Variants in PTK2B observed in about 807,000 individuals in gnomAD.
The protein encoded by PTK2B is protein-tyrosine kinase 2-beta.
A neutral mutation model predicts 142.9 loss-of-function variants in PTK2B; 71 were observed. The ratio of observed to expected loss-of-function variants is 0.50; its 90% CI spans 0.41 to 0.61. The LOEUF is 0.61. Among genes scored for constraint, PTK2B ranks in the 20% least tolerant of loss-of-function variants. The pLI is 0.00. For missense variants in PTK2B, 1,105 were observed against 1,320.4 expected (o/e 0.84, Z 2.53); for synonymous variants, 519 against 503.4 (o/e 1.03, Z -0.42).
At chr8:27,323,839 T>A (rs76500914), upstream of PTK2B, among the ~76,000 whole-genome samples, 138 of 152,288 alleles carry the variant, frequency 9.1e-4, 2 homozygotes, top group East Asian at 0.024. Flanking sequence ...TGCTGAAGAA[T>A]TCAACAACCT....
At chr8:27,360,110 C>T (rs1258903629) in intron 1 of PTK2B, among the ~76,000 whole-genome samples, 1 of 152,216 alleles carries the variant, frequency 6.6e-6, no homozygotes, top group East Asian at 1.9e-4. Context: ...GGGGGAAGGG[C>T]CCAGTCGACA....
At chr8:27,433,648 A>C (rs1191357493) in intron 11 of PTK2B, 96 bp downstream of exon 11, 5 of 1,051,484 alleles carry the variant, frequency 4.8e-6, no homozygotes, top group Non-Finnish European at 7.2e-6. Context: ...ACTGATGGAT[A>C]AGTGAATGAG....
At chr8:27,417,836 G>T (rs2131781402) in intron 2 of PTK2B, among the ~76,000 whole-genome samples, 1 of 152,314 alleles carries the variant, frequency 6.6e-6, no homozygotes, top group East Asian at 1.9e-4. Context: ...AGCAGGAGAG[G>T]ACTGTAAGTT....
chr8:27,434,342 G>T (rs1232401799), intron 12 of PTK2B, among the ~76,000 whole-genome samples, 171 bp from the exon 13 acceptor site: 1 of 152,156 alleles, frequency 6.6e-6, no homozygotes, highest in Non-Finnish European at 1.5e-5. Context: ...GGGGGTTGCT[G>T]CTGTCCCCCA....
intron 1 of PTK2B, among the ~76,000 whole-genome samples, chr8:27,342,585 C>G (rs1804470258): frequency 6.6e-6 from 1 of 152,162 alleles, no homozygotes; most frequent in Non-Finnish European, 1.5e-5. Context: ...GCAAGACTGC[C>G]TCTCCCAGGC....
At chr8:27,426,106 C>T (rs528074645) in intron 5 of PTK2B, among the ~76,000 whole-genome samples, 5 of 152,250 alleles carry the variant, frequency 3.3e-5, no homozygotes, top group African/African-American at 9.6e-5. Flanking sequence ...ACAGAGAATA[C>T]GTAACCCCAG....
chr8:27,352,192 A>G (rs1805136461), intron 1 of PTK2B, among the ~76,000 whole-genome samples: 2 of 152,134 alleles, frequency 1.3e-5, no homozygotes, highest in African/African-American at 2.4e-5. Context: ...GTTCTCACCA[A>G]TTCATAAGGC....
At chr8:27,406,655 T>TTGGGGC (rs1354813639) in intron 2 of PTK2B, among the ~76,000 whole-genome samples, 4 of 152,108 alleles carry the variant, frequency 2.6e-5, no homozygotes, top group Non-Finnish European at 5.9e-5. Flanking sequence ...CTCACGATGA[T>TTGGGGC]TGGGGCTGGG....
intron 1 of PTK2B, among the ~76,000 whole-genome samples, chr8:27,382,718 G>T (rs1807103438): frequency 6.6e-6 from 1 of 152,120 alleles, no homozygotes; most frequent in Admixed American, 6.5e-5. Context: ...CTTATTCTGA[G>T]TTGATTTCAT....
chr8:27,318,237 C>G (rs1024084860), intron 3 of PTK2B, among the ~76,000 whole-genome samples: 5 of 152,202 alleles, frequency 3.3e-5, no homozygotes, highest in African/African-American at 9.7e-5. Context: ...CATTTGCCTG[C>G]AGCAATCTGC....
rs532293731 is a variant in PTK2B, at chr8:27,446,754, A to G, written c.2340+835A>G. Among the ~76,000 whole-genome samples the G allele has an allele frequency of 2.0e-5, 3 of 152,316 alleles. No individual in the cohort carries two copies. The East Asian group carries it at 5.8e-4, about 29-fold the overall frequency. ...TAAAATATTTTTTGAAAAAAATTAG[A>G]TGTTTATCATAATATATTTGGAAGA... On this transcript the variant is annotated intron_variant, in intron 24 of 30. Coordinates refer to ENST00000346049, the MANE Select transcript of PTK2B (RefSeq NM_173176.3).
chr8:27,414,590 T>TTTC (rs1554500827), intron 2 of PTK2B, among the ~76,000 whole-genome samples: 337 of 87,576 alleles, frequency 3.8e-3, no homozygotes, highest in African/African-American at 0.011. Context: ...GAAGCTCAGT[T>TTTC]TCTCTCTCTC....
chr8:27,369,227 C>T (rs1246285329), intron 1 of PTK2B, among the ~76,000 whole-genome samples: 1 of 152,190 alleles, frequency 6.6e-6, no homozygotes, highest in Non-Finnish European at 1.5e-5. Flanking sequence ...CCCTGCCCTA[C>T]AGCTTACCTT....
At chr8:27,444,997 C>G (rs1053730566) in intron 23 of PTK2B, among the ~76,000 whole-genome samples, 2 of 152,176 alleles carry the variant, frequency 1.3e-5, no homozygotes, top group Admixed American at 1.3e-4. Context: ...TAGATAAATC[C>G]TCTTCACGTG....
intron 1 of PTK2B, among the ~76,000 whole-genome samples, chr8:27,350,174 G>GT (rs1298789636): frequency 1.1e-4 from 17 of 152,234 alleles, no homozygotes; most frequent in African/African-American, 4.1e-4. Flanking sequence ...CATGGTGGCT[G>GT]TGTATTTAGT....
intron 1 of PTK2B, among the ~76,000 whole-genome samples, chr8:27,327,201 G>A (rs1378647302): frequency 6.6e-6 from 1 of 152,202 alleles, no homozygotes; most frequent in East Asian, 1.9e-4. Context: ...GGAACCTAGA[G>A]CGTGCAGGGG....
intron 2 of PTK2B, among the ~76,000 whole-genome samples, chr8:27,419,584 C>T (rs1006631628): frequency 1.3e-5 from 2 of 152,136 alleles, no homozygotes; most frequent in African/African-American, 2.4e-5. Flanking sequence ...GTGGATGTTC[C>T]GTAATTATTA....
chr8:27,377,856 T>C (rs1806767309), intron 1 of PTK2B, among the ~76,000 whole-genome samples: 1 of 152,040 alleles, frequency 6.6e-6, no homozygotes, highest in South Asian at 2.1e-4. Context: ...GTGGAGAAGG[T>C]TCTGGAAAAT....
At chr8:27,409,646 A>G (rs766875681) in intron 2 of PTK2B, among the ~76,000 whole-genome samples, 1 of 152,186 alleles carries the variant, frequency 6.6e-6, no homozygotes, top group African/African-American at 2.4e-5. Flanking sequence ...AACCAATGAG[A>G]GATTTTCCAC....
Sources: allele counts gnomAD v4.1 joint callset (sites outside exome capture counted in the v4.1 genomes callset), GRCh38; gene constraint gnomAD v4.1.1; transcripts MANE v1.5; gene names NCBI Gene and HGNC (gene_info 2026-07-23, HGNC 2026-07-21).